OSBP: variants seen among roughly 807,000 people sequenced by gnomAD.
The protein encoded by OSBP is oxysterol binding protein.
In OSBP, 32 loss-of-function variants were observed where a neutral mutation model predicts 96.6. That is an observed-to-expected ratio of 0.33 (90% CI 0.25 to 0.45). OSBP has a LOEUF of 0.45. OSBP is among the 20% of genes least tolerant of loss of function. The pLI is 1.00. For missense variants in OSBP, 653 were observed against 1,029.7 expected (o/e 0.63, Z 5.01); for synonymous variants, 369 against 389.6 (o/e 0.95, Z 0.62).
chr11:59,586,178 G>GA (rs34764421), intron 9 of OSBP, among the ~76,000 whole-genome samples: 68 of 60,400 alleles, frequency 1.1e-3, no homozygotes, highest in Middle Eastern at 0.014. Context: ...AATAAATAAA[G>GA]AAAAAAAAAA....
intron 9 of OSBP, among the ~76,000 whole-genome samples, chr11:59,592,858 C>T (rs1167619387): frequency 6.6e-6 from 1 of 150,880 alleles, no homozygotes; most frequent in Non-Finnish European, 1.5e-5. Context: ...TGCAATAGTG[C>T]AATCTCAGCT....
intron 9 of OSBP, 22 bp from the exon 10 acceptor site, chr11:59,581,576 C>T (rs1490507821): frequency 7.3e-7 from 1 of 1,375,406 alleles, no homozygotes; most frequent in Non-Finnish European, 1.0e-6. Context: ...AAGAGGTATC[C>T]AAATTAAGCC....
At position 59,601,591 on chromosome 11, in the gene OSBP, A is replaced by C. The variant is rs763345835; in HGVS notation, c.1021+49T>G. The C allele has an allele frequency of 6.4e-6, 10 of 1,559,556 alleles. No individual in the cohort carries two copies. The African/African-American group carries it at 1.4e-4, about 21-fold the overall frequency. ...GGAGTTCTCCTATCAACTGCAGAAA[A>C]CCATCTGGCTCACCTTAGACCAGGC... is the stretch of plus-strand genomic sequence containing the variant. On this transcript the variant is annotated intron_variant, in intron 4 of 13. Transcript: ENST00000263847.
intron 9 of OSBP, among the ~76,000 whole-genome samples, chr11:59,586,922 A>T (rs1590669626): frequency 6.6e-6 from 1 of 152,344 alleles, no homozygotes; most frequent in South Asian, 2.1e-4. Flanking sequence ...TAAAACTCTT[A>T]GAAGAAAACA....
intron 3 of OSBP, among the ~76,000 whole-genome samples, chr11:59,604,289 G>A (rs369643960): frequency 5.9e-5 from 9 of 152,122 alleles, no homozygotes; most frequent in Non-Finnish European, 7.3e-5. Context: ...GGTAGCTCAC[G>A]TATGTAAAAC....
At position 59,580,231 on chromosome 11, in the gene OSBP, G is replaced by A; in HGVS notation, c.1821C>T (p.Asp607=). The A allele has an allele frequency of 6.2e-7, 1 of 1,613,172 alleles. No individual in the cohort carries two copies. Among genetic ancestry groups the A allele is most frequent in the South Asian group, 1.1e-5 (1 of 91,058 alleles). The part of the protein sequence containing the change: ...EIDIVNHKTG[D]KCNLKFVPYS... ...AAGGAACAAATTTAAGATTACACTT[G>A]TCTCCTGTCTTGTGATTCACAATAT... Residue 607 remains aspartate (D), a synonymous_variant, in exon 11 of 14, where the codon GAC becomes GAT. Transcript: ENST00000263847.
chr11:59,614,882 A>C (rs1187403815), intron 1 of OSBP, among the ~76,000 whole-genome samples: 3 of 152,218 alleles, frequency 2.0e-5, no homozygotes, highest in African/African-American at 7.2e-5. Flanking sequence ...TGACAGCTAC[A>C]ACTTGGGACT....
intron 9 of OSBP, among the ~76,000 whole-genome samples, chr11:59,590,232 C>A (rs1356112453): frequency 6.6e-6 from 1 of 152,150 alleles, no homozygotes; most frequent in Non-Finnish European, 1.5e-5. Context: ...CAATTTTGTA[C>A]AAAGTTGTCC....
intron 9 of OSBP, among the ~76,000 whole-genome samples, chr11:59,590,433 T>C (rs572148646): frequency 6.6e-6 from 1 of 152,344 alleles, no homozygotes; most frequent in African/African-American, 2.4e-5. Flanking sequence ...ACATACTAGC[T>C]GGTTAAGTTG....
intron 9 of OSBP, 147 bp from the exon 10 acceptor site, chr11:59,581,701 C>G: frequency 1.9e-6 from 1 of 517,332 alleles, no homozygotes; most frequent in Middle Eastern, 3.6e-4. Flanking sequence ...CTTACACTTT[C>G]TTAAATGTTG....
At chr11:59,588,889 C>A (rs1016453647) in intron 9 of OSBP, among the ~76,000 whole-genome samples, 4 of 151,910 alleles carry the variant, frequency 2.6e-5, no homozygotes, top group Non-Finnish European at 4.4e-5. Context: ...CCTGTAGTCC[C>A]AGCTACTCAG....
At chr11:59,610,670 T>G (rs1590679697) in intron 1 of OSBP, 81 bp from the exon 2 acceptor site, 1 of 1,120,190 alleles carries the variant, frequency 8.9e-7, no homozygotes, top group East Asian at 2.4e-5. Flanking sequence ...TTCATAACTC[T>G]GAGCTCCCTG....
Position 59,575,326 on chromosome 11 carries a change from G to A in OSBP, c.*1251C>T, listed in dbSNP as rs970092637. 2.6e-5 allele frequency: 4 copies of A among 152,162 alleles called. No homozygotes were observed. Among genetic ancestry groups the A allele is most frequent in the African/African-American group, 9.7e-5 (4 of 41,434 alleles). The allele number at this position is 152,162 out of a possible 1,614,324, so 9.4% of individuals were successfully genotyped here. ...GTAGGCACCCCATGATACAAACCAT[G>A]GACAAAGTCCCTGTTTAGTAACTGC... On this transcript the variant is annotated 3_prime_UTR_variant, in exon 14 of 14. Transcript: ENST00000263847.
chr11:59,601,951 A>C lies in OSBP; in HGVS notation c.823-113T>G, dbSNP rs1841800130. Reference sequence around the variant, plus strand: ...GGGAACTTTTAACTGGCAAATTACAATGAAAGACTTTCCCTTTTATGCCAA... The same window carrying C: ...GGGAACTTTTAACTGGCAAATTACACTGAAAGACTTTCCCTTTTATGCCAA... On this transcript the variant is annotated intron_variant, in intron 3 of 13. Coordinates refer to ENST00000263847, the MANE Select transcript of OSBP (RefSeq NM_002556.3). 39 of 854,898 alleles carry C rather than the reference A, an allele frequency of 4.6e-5. No homozygotes were observed. In the South Asian group the frequency reaches 6.6e-4, roughly 14 times the overall value. 53.0% of individuals were successfully genotyped at this position (854,898 alleles called of 1,614,324 possible).
chr11:59,580,222 A>C lies in OSBP; in HGVS notation c.1830T>G (p.Asn610Lys), dbSNP rs1294480779. ...AGTAGCTATAAGGAACAAATTTAAGATTACACTTGTCTCCTGTCTTGTGAT... is the reference window on the plus strand; with the variant it reads ...AGTAGCTATAAGGAACAAATTTAAGCTTACACTTGTCTCCTGTCTTGTGAT... ...IVNHKTGDKC[N>K]LKFVPYSYFS... Residue 610 changes from asparagine (N) to lysine (K), a missense_variant, in exon 11 of 14, where the codon AAT (asparagine) becomes AAG (lysine). Physicochemically the swap from Asn to Lys is moderately conservative, Grantham distance 94 (BLOSUM62 0). Transcript: ENST00000263847. 6.2e-7 allele frequency: 1 copy of C among 1,613,456 alleles called. No individual in the cohort carries two copies. Among genetic ancestry groups the C allele is most frequent in the Non-Finnish European group, 8.5e-7 (1 of 1,179,464 alleles).
At chr11:59,584,729 A>G (rs1860472380) in intron 9 of OSBP, among the ~76,000 whole-genome samples, 1 of 152,226 alleles carries the variant, frequency 6.6e-6, no homozygotes, top group Non-Finnish European at 1.5e-5. Flanking sequence ...TAAGATCAAG[A>G]ACATGGCAAG....
At position 59,615,757 on chromosome 11, in the gene OSBP, C is replaced by T; in HGVS notation, c.-93G>A. On this transcript the variant is annotated 5_prime_UTR_variant, in exon 1 of 14. In the 5' UTR this introduces an upstream ATG that the reference lacks. Transcript: ENST00000263847. ...CCCCACACGGCTACCGCATCAGCCA[C>T]CGCCGCGCAGCGTCCCCGCCCCGCC... 1 of 1,218,564 alleles carries T rather than the reference C, an allele frequency of 8.2e-7. No individual in the cohort carries two copies. Among genetic ancestry groups the T allele is most frequent in the Non-Finnish European group, 1.0e-6 (1 of 977,160 alleles). The allele number at this position is 1,218,564 out of a possible 1,614,324, so 75.5% of individuals were successfully genotyped here.
intron 11 of OSBP, among the ~76,000 whole-genome samples, chr11:59,579,412 C>A (rs897219238): frequency 1.3e-5 from 2 of 151,292 alleles, no homozygotes; most frequent in Admixed American, 1.3e-4. Context: ...CGGCTCACTG[C>A]AAACTCTGCC....
chr11:59,594,148 G>C lies in OSBP; in HGVS notation c.1419C>G (p.Leu473=). 6.2e-7 allele frequency: 1 copy of C among 1,614,122 alleles called. No homozygotes were observed. Among genetic ancestry groups the C allele is most frequent in the Non-Finnish European group, 8.5e-7 (1 of 1,180,012 alleles). Residue 473 remains leucine, a synonymous_variant, in exon 8 of 14, where the codon CTC becomes CTG. Coordinates refer to ENST00000263847, the MANE Select transcript of OSBP (RefSeq NM_002556.3). ...ACACGGTGAAAGCTGCAACATAACA[G>C]AGCTGTTCTAGAGAATTCTCACATT... ...AAKCENSLEQ[L]CYVAAFTVSS... is the part of the protein sequence containing the mutation.
Sources: gnomAD v4.1 joint callset for allele counts (sites outside exome capture counted in the v4.1 genomes callset) on GRCh38, gnomAD v4.1.1 for gene constraint, MANE v1.5 for transcripts, NCBI Gene and HGNC (gene_info 2026-07-23, HGNC 2026-07-21) for gene names.